Variants in CPS1 observed in about 807,000 individuals in gnomAD.
CPS1 encodes the protein carbamoyl-phosphate synthase 1.
CPS1 carries 109 observed loss-of-function variants against 174.6 expected under a neutral mutation model. That is an observed-to-expected ratio of 0.62 (90% CI 0.53 to 0.73). CPS1 has a LOEUF of 0.73. Ranked by LOEUF, CPS1 falls within the 30% of genes least tolerant of loss-of-function variation. The pLI is 0.00. For missense variants in CPS1, 1,689 were observed against 1,821.9 expected (o/e 0.93, Z 1.33); for synonymous variants, 637 against 632.0 (o/e 1.01, Z -0.12).
chr2:210,612,181 C>T lies in CPS1; in HGVS notation c.2456C>T (p.Ser819Phe). ...FQKALRMCHP[S>F]IEGFTPRLPM... ...AAAGCTTTACGGATGTGCCACCCATCTATAGAAGGTTTCACTCCCCGTCTC... is the reference window on the plus strand; with the variant it reads ...AAAGCTTTACGGATGTGCCACCCATTTATAGAAGGTTTCACTCCCCGTCTC... Residue 819 changes from serine to phenylalanine, a missense_variant, in exon 20 of 38, where the codon TCT becomes TTT. Coordinates refer to ENST00000233072, the MANE Select transcript of CPS1 (RefSeq NM_001875.5). The T allele has an allele frequency of 6.2e-7, 1 of 1,612,194 alleles. No individual in the cohort carries two copies. The highest frequency in any genetic ancestry group is 1.1e-5 in the South Asian group (1 of 91,060).
rs1400210696 is a variant in CPS1, at chr2:210,660,746, C to G, written c.3927+91C>G. On this transcript the variant is annotated intron_variant, in intron 32 of 37. Coordinates refer to ENST00000233072, the MANE Select transcript of CPS1 (RefSeq NM_001875.5). ...ATCAAAAATCTTGTTACTTTTAAAA[C>G]CTTCTAACTAAAGGGTTGGACTAGG... 2.4e-6 allele frequency: 3 copies of G among 1,248,654 alleles called. No individual in the cohort carries two copies. In the African/African-American group the frequency reaches 4.5e-5, roughly 19 times the overall value. 77.3% of individuals were successfully genotyped at this position (1,248,654 alleles called of 1,614,324 possible).
intron 21 of CPS1, among the ~76,000 whole-genome samples, chr2:210,623,594 G>A (rs988557985): frequency 6.6e-6 from 1 of 152,106 alleles, no homozygotes; most frequent in African/African-American, 2.4e-5. Context: ...GGTGAGTGGT[G>A]AAAAATCATA....
At chr2:210,534,353 T>A (rs969077020) in intron 1 of CPS1, among the ~76,000 whole-genome samples, 2 of 152,136 alleles carry the variant, frequency 1.3e-5, no homozygotes, top group African/African-American at 2.4e-5. Flanking sequence ...AGTAATCACT[T>A]CATCTCTCTT....
chr2:210,594,111 A>G (rs770880933), intron 11 of CPS1, among the ~76,000 whole-genome samples: 2 of 151,824 alleles, frequency 1.3e-5, no homozygotes, highest in African/African-American at 2.4e-5. Context: ...TGTTTTTTAG[A>G]GCCGATAGAA....
intron 1 of CPS1, among the ~76,000 whole-genome samples, chr2:210,510,565 A>G (rs140236285): frequency 0.013 from 1,917 of 152,344 alleles, 36 homozygotes; most frequent in African/African-American, 0.043. Context: ...GCTTCTGCAC[A>G]GCAAAAGAAA....
Position 210,654,029 on chromosome 2 carries a change from AC to A in CPS1, c.3488del (p.Pro1163GlnfsTer4). ...LEEATRVSQEHPVVLTKFVEG... is the reference protein window; with the variant it reads ...LEEATRVSQEXPVVLTKFVEG... ...CTCTGTTTTCCTTCGTGACAGGAGC[AC>A]CCAGTGGTGCTGACAAAATTTGTTG... On this transcript the variant is annotated frameshift_variant, in exon 29 of 38. Transcript: ENST00000233072. LOFTEE classifies it high-confidence loss of function. 1 of 1,613,978 alleles carries A rather than the reference AC, an allele frequency of 6.2e-7. No homozygotes were observed. Among genetic ancestry groups the A allele is most frequent in the Non-Finnish European group, 8.5e-7 (1 of 1,179,814 alleles).
At chr2:210,513,812 T>C (rs145347547) in intron 1 of CPS1, among the ~76,000 whole-genome samples, 1,915 of 152,166 alleles carry the variant, frequency 0.013, 36 homozygotes, top group African/African-American at 0.043. Context: ...AGGATTCTTA[T>C]AGTTTGAGGT....
chr2:210,653,743 CTT>C (rs770137253), intron 28 of CPS1, among the ~76,000 whole-genome samples: 1 of 152,194 alleles, frequency 6.6e-6, no homozygotes, highest in Non-Finnish European at 1.5e-5. Flanking sequence ...TTAGTCCCCT[CTT>C]TTCTCTAATT....
intron 5 of CPS1, among the ~76,000 whole-genome samples, chr2:210,581,221 C>T (rs1295112833): frequency 6.6e-6 from 1 of 152,088 alleles, no homozygotes; most frequent in Non-Finnish European, 1.5e-5. Context: ...TTGGGAAAAT[C>T]AATTCAGATG....
At chr2:210,643,687 G>T (rs527972428) in intron 25 of CPS1, among the ~76,000 whole-genome samples, 1 of 152,200 alleles carries the variant, frequency 6.6e-6, no homozygotes, top group African/African-American at 2.4e-5. Context: ...TATTACAAAA[G>T]AAAGTAGACA....
intron 1 of CPS1, among the ~76,000 whole-genome samples, chr2:210,498,382 T>C (rs1423490001): frequency 1.3e-5 from 2 of 152,148 alleles, no homozygotes; most frequent in East Asian, 1.9e-4. Context: ...TGGTTAAATA[T>C]ATTTCTAGGT....
chr2:210,641,417 C>G (rs920647556), intron 24 of CPS1, among the ~76,000 whole-genome samples: 1 of 152,168 alleles, frequency 6.6e-6, no homozygotes, highest in African/African-American at 2.4e-5. Flanking sequence ...GGAGCCACTA[C>G]AGCTAGCAAG....
At chr2:210,528,744 T>A (rs979757033) in intron 1 of CPS1, among the ~76,000 whole-genome samples, 12 of 151,710 alleles carry the variant, frequency 7.9e-5, no homozygotes, top group African/African-American at 2.9e-4. Flanking sequence ...TCCTAATTAC[T>A]TCTGACTATA....
chr2:210,509,126 C>A (rs1695377452), intron 1 of CPS1, among the ~76,000 whole-genome samples: 1 of 152,186 alleles, frequency 6.6e-6, no homozygotes, highest in African/African-American at 2.4e-5. Context: ...ATGCAAAAAT[C>A]CTCAATATAA....
chr2:210,577,240 T>C, intron 3 of CPS1, 181 bp from the exon 4 acceptor site: 1 of 620,968 alleles, frequency 1.6e-6, no homozygotes, highest in Non-Finnish European at 2.9e-6. Context: ...GGATAATTAA[T>C]GCAACAATTA....
At chr2:210,501,823 G>A (rs1695145800) in intron 1 of CPS1, among the ~76,000 whole-genome samples, 1 of 152,080 alleles carries the variant, frequency 6.6e-6, no homozygotes, top group Admixed American at 6.6e-5. Flanking sequence ...CACTTCTAAA[G>A]TCATCTCCAC....
intron 29 of CPS1, among the ~76,000 whole-genome samples, chr2:210,655,388 A>C (rs533863326): frequency 6.6e-6 from 1 of 152,174 alleles, no homozygotes; most frequent in East Asian, 1.9e-4. Context: ...TCAGATATCA[A>C]CTATTGCACA....
intron 25 of CPS1, among the ~76,000 whole-genome samples, chr2:210,643,818 T>G (rs1700296804): frequency 6.6e-6 from 1 of 152,086 alleles, no homozygotes; most frequent in African/African-American, 2.4e-5. Context: ...GACATGGTTG[T>G]TTTTAAATCA....
In CPS1 at chr2:210,633,187, T is replaced by C. The variant is rs575508182; in HGVS notation, c.2688-4515T>C. On this transcript the variant is annotated intron_variant, in intron 21 of 37. Transcript: ENST00000233072. ...GCTCTTCTCAGACATTTTCTTTAAA[T>C]TATGAAAACTCTCTGGTGTGGGAAA... 2.6e-5 allele frequency among the ~76,000 whole-genome samples: 4 copies of C among 152,310 alleles called. No homozygotes were observed. The South Asian group carries it at 8.3e-4, about 32-fold the overall frequency.
Sources: gnomAD v4.1 joint callset for allele counts (sites outside exome capture counted in the v4.1 genomes callset) on GRCh38, gnomAD v4.1.1 for gene constraint, MANE v1.5 for transcripts, NCBI Gene and HGNC (gene_info 2026-07-23, HGNC 2026-07-21) for gene names.